DOCK3: variants seen among roughly 807,000 people sequenced by gnomAD.
The protein encoded by DOCK3 is dedicator of cytokinesis 3, also known as dedicator of cytokinesis protein 3.
A neutral mutation model predicts 265.6 loss-of-function variants in DOCK3; 60 were observed. The ratio of observed to expected loss-of-function variants is 0.23; its 90% CI spans 0.18 to 0.28. The LOEUF is 0.28. DOCK3 is among the 10% of genes least tolerant of loss of function. The pLI is 1.00. For synonymous variants in DOCK3, 881 were observed against 938.0 expected, an observed-to-expected ratio of 0.94 and a Z score of 1.11; for missense variants, 1,981 against 2,594.3, an observed-to-expected ratio of 0.76 and a Z score of 5.14.
chr3:51,009,992 A>T (rs893330317), intron 5 of DOCK3, among the ~76,000 whole-genome samples: 2 of 152,186 alleles, frequency 1.3e-5, no homozygotes, highest in Non-Finnish European at 2.9e-5. Context: ...ACAGTTTGTT[A>T]TAATTTCTAT....
At chr3:51,014,166 C>A (rs2079062445) in intron 5 of DOCK3, among the ~76,000 whole-genome samples, 1 of 152,192 alleles carries the variant, frequency 6.6e-6, no homozygotes, top group African/African-American at 2.4e-5. Flanking sequence ...CCTCCGTCAG[C>A]TGCACCCACT....
intron 1 of DOCK3, among the ~76,000 whole-genome samples, chr3:50,684,153 C>T (rs922688199): frequency 1.3e-5 from 2 of 152,016 alleles, no homozygotes; most frequent in African/African-American, 4.8e-5. Context: ...ATGCCTTTCC[C>T]TACTCTGCCT....
intron 9 of DOCK3, among the ~76,000 whole-genome samples, chr3:51,107,505 GA>G (rs1298735713): frequency 1.3e-5 from 2 of 152,168 alleles, no homozygotes; most frequent in African/African-American, 4.8e-5. Context: ...AGCCAGTATA[GA>G]AAAGAACATA....
chr3:50,888,018 G>A (rs933697355), intron 3 of DOCK3, among the ~76,000 whole-genome samples: 4 of 152,056 alleles, frequency 2.6e-5, no homozygotes, highest in Non-Finnish European at 5.9e-5. Flanking sequence ...AGGGCAATTC[G>A]GCAGGAGAAA....
chr3:51,314,619 A>G (rs1246317334), intron 31 of DOCK3, among the ~76,000 whole-genome samples: 1 of 152,230 alleles, frequency 6.6e-6, no homozygotes, highest in African/African-American at 2.4e-5. Context: ...TTTTCTTGTT[A>G]AATAAACACT....
At chr3:51,253,962 G>T (rs777393438) in intron 22 of DOCK3, among the ~76,000 whole-genome samples, 1 of 152,098 alleles carries the variant, frequency 6.6e-6, no homozygotes, top group East Asian at 1.9e-4. Flanking sequence ...TGATGTTCGG[G>T]TGTCAATTTT....
chr3:51,038,893 T>G (rs2080372498), intron 5 of DOCK3, among the ~76,000 whole-genome samples: 1 of 152,074 alleles, frequency 6.6e-6, no homozygotes, highest in African/African-American at 2.4e-5. Context: ...GGATATGCAG[T>G]TATTTCCAAA....
chr3:51,103,533 T>C (rs2083161668), intron 9 of DOCK3, among the ~76,000 whole-genome samples: 1 of 152,180 alleles, frequency 6.6e-6, no homozygotes, highest in Non-Finnish European at 1.5e-5. Flanking sequence ...AAAAAATTGA[T>C]AAGCTACTCC....
intron 23 of DOCK3, among the ~76,000 whole-genome samples, chr3:51,269,828 A>G (rs2108864600): frequency 6.6e-6 from 1 of 152,294 alleles, no homozygotes; most frequent in South Asian, 2.1e-4. Context: ...TCTACTAGAA[A>G]CTTTATGTAA....
At chr3:51,062,192 A>G (rs2081433530) in intron 5 of DOCK3, among the ~76,000 whole-genome samples, 1 of 152,174 alleles carries the variant, frequency 6.6e-6, no homozygotes, top group Non-Finnish European at 1.5e-5. Context: ...GTCATATCAC[A>G]TCACTCTTCT....
intron 5 of DOCK3, among the ~76,000 whole-genome samples, chr3:50,955,153 T>C (rs747713415): frequency 3.3e-5 from 5 of 152,120 alleles, no homozygotes; most frequent in Non-Finnish European, 5.9e-5. Flanking sequence ...ACCAGTCAGA[T>C]TGGCTATTTT....
rs189911840 is a variant in DOCK3, at chr3:51,374,963, C to T, written c.5412+376C>T. Among the ~76,000 whole-genome samples, 35 of 152,332 alleles carry T rather than the reference C, an allele frequency of 2.3e-4. No individual in the cohort carries two copies. The highest frequency in any genetic ancestry group is 8.4e-4 in the African/African-American group (35 of 41,576). On this transcript the variant is annotated intron_variant, in intron 50 of 52. Transcript: ENST00000266037. The surrounding 1 kb of genome is among the most constrained non-coding windows in gnomAD (Gnocchi z 4.8). ...TTGGTCTGGAAGATGTTCTTCCTCC[C>T]TATTTGTGGGGCATCCTCACTGGAA...
chr3:51,118,857 C>A (rs554069620), intron 9 of DOCK3, among the ~76,000 whole-genome samples: 1 of 152,108 alleles, frequency 6.6e-6, no homozygotes, highest in Non-Finnish European at 1.5e-5. Context: ...TATTTTGACC[C>A]TATGTGTGTT....
chr3:50,741,098 CAT>C (rs1389461609), intron 1 of DOCK3, among the ~76,000 whole-genome samples: 2 of 151,584 alleles, frequency 1.3e-5, no homozygotes, highest in Non-Finnish European at 2.9e-5. Flanking sequence ...GGTTCTATAT[CAT>C]GTGCTAGAGC....
intron 32 of DOCK3, among the ~76,000 whole-genome samples, chr3:51,326,250 T>C (rs1703446728): frequency 8.5e-6 from 1 of 117,040 alleles, no homozygotes; most frequent in South Asian, 3.2e-4. Context: ...AAGCTCCTAA[T>C]TTTATTTTTT....
chr3:50,695,803 A>G lies in DOCK3; in HGVS notation c.37+20503A>G, dbSNP rs538852674. 1.4e-4 allele frequency among the ~76,000 whole-genome samples: 22 copies of G among 152,334 alleles called. No individual in the cohort carries two copies. The South Asian group carries it at 4.6e-3, about 32-fold the overall frequency. The stretch of plus-strand genomic sequence containing the variant: ...CCCACTTCTGACACCATCTGTTAAA[A>G]GAAAAACTTCAGCTGAATTCAATTT... On this transcript the variant is annotated intron_variant, in intron 1 of 52. Transcript: ENST00000266037.
At chr3:50,916,677 C>T (rs1030795247) in intron 4 of DOCK3, among the ~76,000 whole-genome samples, 5 of 151,646 alleles carry the variant, frequency 3.3e-5, no homozygotes, top group East Asian at 1.9e-4. Context: ...GGTGTGGTGG[C>T]GGGCACCTGT....
chr3:50,978,258 T>C (rs1488174971), intron 5 of DOCK3, among the ~76,000 whole-genome samples: 7 of 150,234 alleles, frequency 4.7e-5, no homozygotes, highest in Admixed American at 4.7e-4. Flanking sequence ...TTCTGTTTTT[T>C]CCCCATCTTT....
At chr3:51,030,817 G>T (rs1184334873) in intron 5 of DOCK3, among the ~76,000 whole-genome samples, 3 of 152,172 alleles carry the variant, frequency 2.0e-5, no homozygotes, top group Non-Finnish European at 1.5e-5. Context: ...TCCCCGTCCT[G>T]TGTGATTGCC....
Sources: allele counts gnomAD v4.1 joint callset (sites outside exome capture counted in the v4.1 genomes callset), GRCh38; gene constraint gnomAD v4.1.1; non-coding constraint Gnocchi (gnomAD v3.1); transcripts MANE v1.5; gene names NCBI Gene and HGNC (gene_info 2026-07-23, HGNC 2026-07-21).